IMPACT: variants seen among roughly 807,000 people sequenced by gnomAD.
IMPACT encodes protein IMPACT.
A neutral mutation model predicts 47.5 loss-of-function variants in IMPACT; 35 were observed. That is an observed-to-expected ratio of 0.74 (90% CI 0.56 to 0.98). IMPACT has a LOEUF of 0.98. IMPACT is among the 50% of genes least tolerant of loss of function. The probability of loss-of-function intolerance (pLI) is 0.00; values close to 1 mark genes in which losing one functional copy is unlikely to be tolerated. For missense variants in IMPACT, 373 were observed against 394.8 expected (o/e 0.94, Z 0.47); for synonymous variants, 118 against 125.6 (o/e 0.94, Z 0.40).
At chr18:24,441,413 A>G (rs142639427) in intron 6 of IMPACT, among the ~76,000 whole-genome samples, 2,211 of 152,270 alleles carry the variant, frequency 0.015, 27 homozygotes, top group Non-Finnish European at 0.022. Flanking sequence ...GGCTGACCTC[A>G]AATGACCTAC....
chr18:24,443,919 T>TA (rs1909181342), intron 7 of IMPACT, among the ~76,000 whole-genome samples: 1 of 152,344 alleles, frequency 6.6e-6, no homozygotes. Context: ...CCTGTAAAGT[T>TA]ACATTTTTAA....
At chr18:24,449,602 A>G (rs940626566) in intron 9 of IMPACT, among the ~76,000 whole-genome samples, 2 of 152,156 alleles carry the variant, frequency 1.3e-5, no homozygotes, top group Non-Finnish European at 1.5e-5. Context: ...TGTGAAACAC[A>G]GTGATGGTTT....
At chr18:24,434,718 G>C (rs1476518777) in intron 4 of IMPACT, among the ~76,000 whole-genome samples, 15 of 145,444 alleles carry the variant, frequency 1.0e-4, no homozygotes, top group Admixed American at 7.7e-4. Flanking sequence ...AGCTGAGATC[G>C]TGCCATTGCA....
At chr18:24,442,934 T>G in intron 6 of IMPACT, 115 bp from the exon 7 acceptor site, 1 of 533,666 alleles carries the variant, frequency 1.9e-6, no homozygotes, top group Non-Finnish European at 3.3e-6. Flanking sequence ...TAATGGTTAT[T>G]TTAGTTGATT....
chr18:24,434,820 TGTATTATATAA>T (rs1908869703), intron 4 of IMPACT, among the ~76,000 whole-genome samples: 1 of 145,952 alleles, frequency 6.9e-6, no homozygotes, highest in Non-Finnish European at 1.5e-5. Flanking sequence ...TATATATATG[TGTATTATATAA>T]GTGTATATAT....
At chr18:24,441,748 A>G (rs909052328) in intron 6 of IMPACT, among the ~76,000 whole-genome samples, 1 of 152,156 alleles carries the variant, frequency 6.6e-6, no homozygotes, top group Non-Finnish European at 1.5e-5. Context: ...GTAGAAGGGA[A>G]CAAAGAGGAA....
chr18:24,450,874 T>C lies in IMPACT; in HGVS notation c.*27T>C. The stretch of plus-strand genomic sequence containing the variant: ...ACCTGAAACTATAGGAAAGGTTAAT[T>C]TGCCTATAATTATATATACATTCCA... On this transcript the variant is annotated 3_prime_UTR_variant, in exon 11 of 11. Transcript: ENST00000284202. The C allele has an allele frequency of 1.5e-6, 2 of 1,320,798 alleles. No individual in the cohort carries two copies. Among genetic ancestry groups the C allele is most frequent in the Non-Finnish European group, 2.2e-6 (2 of 918,068 alleles). The allele number at this position is 1,320,798 out of a possible 1,614,324, so 81.8% of individuals were successfully genotyped here. A position where few individuals can be genotyped will look rare whatever the true frequency, so the allele number is the denominator to read the frequency against.
chr18:24,431,675 G>C (rs1276783715), intron 4 of IMPACT, among the ~76,000 whole-genome samples: 2 of 151,548 alleles, frequency 1.3e-5, no homozygotes, highest in Non-Finnish European at 2.9e-5. Context: ...ACCGTGCCCA[G>C]CTAATTTTAA....
At chr18:24,442,395 C>G (rs1909140220) in intron 6 of IMPACT, among the ~76,000 whole-genome samples, 1 of 152,108 alleles carries the variant, frequency 6.6e-6, no homozygotes, top group Non-Finnish European at 1.5e-5. Flanking sequence ...CTCAGGTGAT[C>G]CACTCCCTCG....
At chr18:24,443,527 T>C (rs1423420697) in intron 7 of IMPACT, among the ~76,000 whole-genome samples, 3 of 152,202 alleles carry the variant, frequency 2.0e-5, no homozygotes, top group African/African-American at 7.2e-5. Context: ...GTTAACCCTC[T>C]AATGAATCTT....
chr18:24,440,832 T>G (rs1909090310), intron 6 of IMPACT, among the ~76,000 whole-genome samples: 1 of 152,222 alleles, frequency 6.6e-6, no homozygotes, highest in African/African-American at 2.4e-5. Flanking sequence ...TTTACTCTTT[T>G]CCCCCTACTT....
In IMPACT at chr18:24,443,138, G is replaced by C; in HGVS notation, c.580G>C (p.Val194Leu). ...STFQAHLAPV[V>L]CPKQVKMVLS... The stretch of plus-strand genomic sequence containing the variant: ...TTTTCAGGCACACTTGGCTCCAGTG[G>C]TTTGTCCCAAACAGGTAAAGTTCCT... The change falls in exon 7 of 11, where the codon GTT becomes CTT. Residue 194 changes from valine (V) to leucine (L), a missense_variant. Transcript: ENST00000284202. 1 of 1,588,128 alleles carries C rather than the reference G, an allele frequency of 6.3e-7. No homozygotes were observed. Among genetic ancestry groups the C allele is most frequent in the Non-Finnish European group, 8.6e-7 (1 of 1,158,812 alleles).
At chr18:24,436,352 C>T (rs1908941536) in intron 4 of IMPACT, among the ~76,000 whole-genome samples, 2 of 151,812 alleles carry the variant, frequency 1.3e-5, no homozygotes, top group African/African-American at 4.8e-5. Context: ...TTCAAGTGAT[C>T]CTCCCACCTC....
At chr18:24,426,859 C>A in intron 1 of IMPACT, 67 bp downstream of exon 1, 1 of 1,142,472 alleles carries the variant, frequency 8.8e-7, no homozygotes, top group Non-Finnish European at 1.1e-6. Flanking sequence ...GCCAGTCCTC[C>A]TCAGCCGAGG....
intron 1 of IMPACT, chr18:24,427,555 T>G: frequency 5.7e-6 from 1 of 174,628 alleles, no homozygotes; most frequent in Non-Finnish European, 1.2e-5. Context: ...GGGGTGGGAG[T>G]CAGGGGTGGA....
chr18:24,440,294 A>G (rs1410940778), intron 5 of IMPACT, among the ~76,000 whole-genome samples: 1 of 152,066 alleles, frequency 6.6e-6, no homozygotes, highest in Non-Finnish European at 1.5e-5. Context: ...AGCATTTCCC[A>G]GTTTGTGGAT....
chr18:24,434,763 C>CAAAA lies in IMPACT; in HGVS notation c.282-3181_282-3178dup, dbSNP rs1189196177. Among the ~76,000 whole-genome samples, 195 of 45,148 alleles carry CAAAA rather than the reference C, an allele frequency of 4.3e-3. 19 individuals are homozygous for CAAAA. Among genetic ancestry groups the CAAAA allele is most frequent in the Middle Eastern group, 0.024 (2 of 84 alleles). 29.6% of individuals were successfully genotyped at this position (45,148 alleles called of 152,430 possible). A position where few individuals can be genotyped will look rare whatever the true frequency, so the allele number is the denominator to read the frequency against. On this transcript the variant is annotated intron_variant, in intron 4 of 10. Transcript: ENST00000284202. The stretch of plus-strand genomic sequence containing the variant: ...GGGCAACAAGAGCAAAACTCTGTCT[C>CAAAA]AAAAAAAAAAAAAATATATATATAT...
chr18:24,439,804 T>A (rs1434615872), intron 5 of IMPACT, among the ~76,000 whole-genome samples: 1 of 152,172 alleles, frequency 6.6e-6, no homozygotes, highest in African/African-American at 2.4e-5. Context: ...GGAATGAGAC[T>A]CTGTGTCAAA....
At chr18:24,447,334 A>G (rs1366642511) in intron 8 of IMPACT, among the ~76,000 whole-genome samples, 2 of 152,082 alleles carry the variant, frequency 1.3e-5, no homozygotes, top group East Asian at 1.9e-4. Flanking sequence ...TCCACATGAT[A>G]CCATTGGTAG....
Sources: allele counts gnomAD v4.1 joint callset (sites outside exome capture counted in the v4.1 genomes callset), GRCh38; gene constraint gnomAD v4.1.1; transcripts MANE v1.5; gene names NCBI Gene and HGNC (gene_info 2026-07-23, HGNC 2026-07-21).